The following SPATA17 variants were observed in gnomAD, a reference collection of about 807,000 sequenced individuals.
SPATA17 encodes the protein spermatogenesis-associated protein 17.
Under a neutral mutation model 62.2 loss-of-function variants are expected in SPATA17, and 53 were observed. The ratio of observed to expected loss-of-function variants is 0.85; its 90% CI spans 0.68 to 1.07. The LOEUF (loss-of-function observed/expected upper bound fraction) is 1.07. SPATA17 is among the 50% of genes least tolerant of loss of function. SPATA17 has a pLI of 0.00. For synonymous variants in SPATA17, 146 were observed against 146.8 expected (o/e 0.99, Z 0.04); for missense variants, 466 against 425.5 (o/e 1.10, Z -0.84).
chr1:217,860,756 C>T (rs78145563), intron 9 of SPATA17, among the ~76,000 whole-genome samples: 2,022 of 152,094 alleles, frequency 0.013, 22 homozygotes, highest in Non-Finnish European at 0.021. Context: ...TTCATGTCGA[C>T]GACATATAGT....
In SPATA17 at chr1:217,648,894, A is replaced by T. The variant is rs772461431; in HGVS notation, c.81A>T (p.Pro27=). Reference sequence around the variant, plus strand: ...CATTTTGTTTTAGTGTTGTAGATCCATTTAGAAAAAAGGAGAATGATGCAG... The same window carrying T: ...CATTTTGTTTTAGTGTTGTAGATCCTTTTAGAAAAAAGGAGAATGATGCAG... The part of the protein sequence containing the change: ...QYYFRNSVVD[P]FRKKENDAAV... Residue 27 remains proline (P), a synonymous_variant, in exon 2 of 11, where the codon CCA becomes CCT. Transcript: ENST00000366933. The T allele has an allele frequency of 6.2e-7, 1 of 1,606,354 alleles. No individual in the cohort carries two copies. The highest frequency in any genetic ancestry group is 1.1e-5 in the South Asian group (1 of 89,330).
intron 5 of SPATA17, among the ~76,000 whole-genome samples, chr1:217,698,701 TC>T (rs1398469770): frequency 1.3e-5 from 2 of 152,186 alleles, no homozygotes; most frequent in African/African-American, 4.8e-5. Flanking sequence ...ATTCGGGTTT[TC>T]CCAAATTTAC....
intron 5 of SPATA17, among the ~76,000 whole-genome samples, chr1:217,699,608 T>C (rs571192412): frequency 6.6e-6 from 1 of 152,312 alleles, no homozygotes; most frequent in African/African-American, 2.4e-5. Flanking sequence ...GGATACATAT[T>C]TTTGTCAAAT....
chr1:217,750,802 G>A (rs1345815819), intron 6 of SPATA17, among the ~76,000 whole-genome samples: 1 of 152,176 alleles, frequency 6.6e-6, no homozygotes, highest in East Asian at 1.9e-4. Flanking sequence ...GGGATCTTTA[G>A]GATGATCTTT....
intron 5 of SPATA17, among the ~76,000 whole-genome samples, chr1:217,741,201 T>C (rs1672618778): frequency 1.3e-5 from 2 of 152,168 alleles, no homozygotes; most frequent in African/African-American, 4.8e-5. Flanking sequence ...AATAGTTAAA[T>C]TTTTCCTTGA....
chr1:217,815,361 G>A (rs1409824137), intron 9 of SPATA17, among the ~76,000 whole-genome samples: 2 of 152,130 alleles, frequency 1.3e-5, no homozygotes, highest in Non-Finnish European at 2.9e-5. Context: ...ATATCTGGAG[G>A]TTTGGCCTGG....
chr1:217,865,408 A>G (rs899893687), intron 10 of SPATA17, among the ~76,000 whole-genome samples: 3 of 152,286 alleles, frequency 2.0e-5, no homozygotes, highest in African/African-American at 7.2e-5. Context: ...GCCTGTACCT[A>G]GCTGTTATCA....
At chr1:217,704,568 T>C (rs1354241087) in intron 5 of SPATA17, among the ~76,000 whole-genome samples, 1 of 152,138 alleles carries the variant, frequency 6.6e-6, no homozygotes, top group African/African-American at 2.4e-5. Flanking sequence ...TACCTTTAAG[T>C]GGTCTCTGAA....
chr1:217,663,828 C>G (rs1463989714), intron 3 of SPATA17, among the ~76,000 whole-genome samples: 3 of 152,040 alleles, frequency 2.0e-5, no homozygotes, highest in African/African-American at 7.2e-5. Context: ...ATCCTTGAAG[C>G]TCATATTTTC....
intron 5 of SPATA17, among the ~76,000 whole-genome samples, chr1:217,736,342 C>T (rs762706155): frequency 6.6e-6 from 1 of 152,154 alleles, no homozygotes; most frequent in Non-Finnish European, 1.5e-5. Context: ...TTCAAATAGA[C>T]ATGGGCAACA....
rs542726670 is a variant in SPATA17 at position 217,741,141 on chromosome 1, C to T, written c.396-834C>T. Reference sequence around the variant, plus strand: ...CAGAACTAGACACTAAGTTACTTACCTACTTTTTTAAAAAAGTATAGTACA... The same window carrying T: ...CAGAACTAGACACTAAGTTACTTACTTACTTTTTTAAAAAAGTATAGTACA... On this transcript the variant is annotated intron_variant, in intron 5 of 10. Transcript: ENST00000366933. 7.5e-4 allele frequency among the ~76,000 whole-genome samples: 114 copies of T among 152,122 alleles called. 1 individual carries two copies. Among genetic ancestry groups the T allele is most frequent in the African/African-American group, 2.6e-3 (107 of 41,520 alleles).
chr1:217,798,751 G>C (rs930103038), intron 8 of SPATA17, among the ~76,000 whole-genome samples: 1 of 152,166 alleles, frequency 6.6e-6, no homozygotes, highest in Non-Finnish European at 1.5e-5. Flanking sequence ...AATATTCTCA[G>C]TTGCATGGAG....
chr1:217,709,468 A>C (rs1484536777), intron 5 of SPATA17, among the ~76,000 whole-genome samples: 1 of 151,676 alleles, frequency 6.6e-6, no homozygotes, highest in Non-Finnish European at 1.5e-5. Context: ...TGCCATATGG[A>C]TCTTACCATC....
At chr1:217,829,716 A>G (rs1487336018) in intron 9 of SPATA17, among the ~76,000 whole-genome samples, 3 of 151,606 alleles carry the variant, frequency 2.0e-5, no homozygotes, top group Non-Finnish European at 2.9e-5. Flanking sequence ...AAATACACAT[A>G]GAGCATGAAA....
At chr1:217,637,216 T>C (rs1669962406) in intron 1 of SPATA17, among the ~76,000 whole-genome samples, 1 of 152,228 alleles carries the variant, frequency 6.6e-6, no homozygotes, top group African/African-American at 2.4e-5. Flanking sequence ...ACAATAATCT[T>C]ATAAGGTTAT....
At chr1:217,635,781 G>A (rs1669922550) in intron 1 of SPATA17, among the ~76,000 whole-genome samples, 1 of 152,012 alleles carries the variant, frequency 6.6e-6, no homozygotes, top group Admixed American at 6.6e-5. Context: ...CGGGATTGGG[G>A]AGACCTGGTT....
intron 5 of SPATA17, among the ~76,000 whole-genome samples, chr1:217,709,120 A>G (rs1236883806): frequency 6.6e-6 from 1 of 152,202 alleles, no homozygotes; most frequent in African/African-American, 2.4e-5. Context: ...TCAGATGTTC[A>G]CCATCAGGCA....
At chr1:217,654,461 A>G (rs1670392688) in intron 3 of SPATA17, among the ~76,000 whole-genome samples, 2 of 152,256 alleles carry the variant, frequency 1.3e-5, no homozygotes, top group African/African-American at 2.4e-5. Flanking sequence ...GCTATCATTT[A>G]CATTCAGGCC....
intron 9 of SPATA17, among the ~76,000 whole-genome samples, chr1:217,862,484 C>T (rs1025179552): frequency 6.6e-6 from 1 of 152,072 alleles, no homozygotes; most frequent in African/African-American, 2.4e-5. Flanking sequence ...ATTTAGATTG[C>T]GACTCATTGA....
Sources: allele counts gnomAD v4.1 joint callset (sites outside exome capture counted in the v4.1 genomes callset), GRCh38; gene constraint gnomAD v4.1.1; transcripts MANE v1.5; gene names NCBI Gene and HGNC (gene_info 2026-07-23, HGNC 2026-07-21).